Variants in SPATS2 observed in about 807,000 individuals in gnomAD.
SPATS2 encodes spermatogenesis-associated serine-rich protein 2.
A neutral mutation model predicts 63.7 loss-of-function variants in SPATS2; 38 were observed. That is an observed-to-expected ratio of 0.60 (90% CI 0.46 to 0.78). The LOEUF is 0.78. Among genes scored for constraint, SPATS2 ranks in the 30% least tolerant of loss-of-function variants. The pLI is 0.00. For synonymous variants in SPATS2, 207 were observed against 232.9 expected (o/e 0.89, Z 1.01); for missense variants, 588 against 666.2 (o/e 0.88, Z 1.29).
intron 2 of SPATS2, among the ~76,000 whole-genome samples, chr12:49,446,575 C>T (rs1945514471): frequency 6.6e-6 from 1 of 152,218 alleles, no homozygotes; most frequent in African/African-American, 2.4e-5. Flanking sequence ...ATTTCCTAGC[C>T]TCCTGGCCCC....
intron 9 of SPATS2, among the ~76,000 whole-genome samples, chr12:49,513,549 GC>G: frequency 6.6e-6 from 1 of 152,050 alleles, no homozygotes; most frequent in Non-Finnish European, 1.5e-5. Context: ...ATTTATATTT[GC>G]AGTGGAAAAA....
intron 3 of SPATS2, among the ~76,000 whole-genome samples, chr12:49,471,136 A>C (rs1946027822): frequency 6.6e-6 from 1 of 152,172 alleles, no homozygotes. Flanking sequence ...AAGATTGCAG[A>C]AGACTTGTAT....
rs1451206105 is a variant in SPATS2, at chr12:49,514,524, A to G, written c.840-31A>G. ...AATTTTGTATTTGAGTTTCTGATCA[A>G]ACTTTTTATTCCTTTGTCATCTTTT... On this transcript the variant is annotated intron_variant, in intron 9 of 13. Coordinates refer to ENST00000552918, the MANE Select transcript of SPATS2 (RefSeq NM_023071.4). 2.5e-6 allele frequency: 4 copies of G among 1,604,684 alleles called. No individual in the cohort carries two copies. In the South Asian group the frequency reaches 4.5e-5, roughly 18 times the overall value.
intron 12 of SPATS2, among the ~76,000 whole-genome samples, chr12:49,524,280 C>T (rs1946994341): frequency 6.6e-6 from 1 of 151,922 alleles, no homozygotes; most frequent in Admixed American, 6.6e-5. Flanking sequence ...CTTTTTCTTT[C>T]TTTGCAAAGG....
chr12:49,516,068 G>A (rs1226872872), intron 10 of SPATS2, among the ~76,000 whole-genome samples: 1 of 142,366 alleles, frequency 7.0e-6, no homozygotes, highest in Non-Finnish European at 1.5e-5. Flanking sequence ...TGAACCCAGG[G>A]GGCAGAGGTT....
intron 4 of SPATS2, 149 bp from the exon 5 acceptor site, chr12:49,489,316 G>A (rs1400759820): frequency 1.0e-5 from 5 of 491,868 alleles, no homozygotes; most frequent in African/African-American, 9.8e-5. Flanking sequence ...CATTCCCAGT[G>A]AGATGCTTGT....
At chr12:49,382,046 C>G (rs565395750) in intron 2 of SPATS2, among the ~76,000 whole-genome samples, 1 of 152,274 alleles carries the variant, frequency 6.6e-6, no homozygotes, top group East Asian at 1.9e-4. Flanking sequence ...CTTCTGAAGG[C>G]CCTCTCTCCC....
intron 6 of SPATS2, among the ~76,000 whole-genome samples, chr12:49,491,775 C>T (rs758260971): frequency 6.6e-6 from 1 of 152,168 alleles, no homozygotes; most frequent in African/African-American, 2.4e-5. Flanking sequence ...TATTAGTTCT[C>T]GTTCCTTTCT....
intron 2 of SPATS2, among the ~76,000 whole-genome samples, chr12:49,380,299 C>T (rs565152362): frequency 6.2e-4 from 95 of 152,012 alleles, no homozygotes; most frequent in African/African-American, 2.1e-3. Flanking sequence ...GCTGGGATTA[C>T]AGGCGAAAAC....
chr12:49,437,427 G>A lies in SPATS2; in HGVS notation c.-243-23343G>A, dbSNP rs1945332742. Among the ~76,000 whole-genome samples the A allele has an allele frequency of 3.9e-5, 6 of 152,308 alleles. No individual in the cohort carries two copies. The South Asian group carries it at 1.2e-3, about 32-fold the overall frequency. On this transcript the variant is annotated intron_variant, in intron 2 of 13. Transcript: ENST00000552918. ...ACGCTCCTCACTTCCCAGACGGGGTGGTGGCCGGGCAGAGGCTGCAATCTC... is the reference window on the plus strand; with the variant it reads ...ACGCTCCTCACTTCCCAGACGGGGTAGTGGCCGGGCAGAGGCTGCAATCTC...
At chr12:49,413,804 C>A (rs555285289) in intron 2 of SPATS2, among the ~76,000 whole-genome samples, 4 of 152,236 alleles carry the variant, frequency 2.6e-5, no homozygotes, top group East Asian at 1.9e-4. Flanking sequence ...CATCTCCCCC[C>A]ATTCCCAGCC....
chr12:49,449,831 G>C (rs1945586334), intron 2 of SPATS2, among the ~76,000 whole-genome samples: 1 of 152,094 alleles, frequency 6.6e-6, no homozygotes, highest in Non-Finnish European at 1.5e-5. Context: ...TGACACATGG[G>C]GATTATTACA....
chr12:49,520,272 G>A (rs1042059423), intron 11 of SPATS2, among the ~76,000 whole-genome samples: 12 of 152,048 alleles, frequency 7.9e-5, no homozygotes, highest in East Asian at 1.9e-4. Context: ...GAGCCACCAC[G>A]CCCAGCGGCT....
At chr12:49,406,331 C>G (rs546695732) in intron 2 of SPATS2, 1 of 150,750 alleles carries the variant, frequency 6.6e-6, no homozygotes, top group East Asian at 1.9e-4. Context: ...GTTACCTAGG[C>G]TGGAGTGCAG....
At chr12:49,493,353 A>G (rs1274523402) in intron 6 of SPATS2, among the ~76,000 whole-genome samples, 1 of 151,444 alleles carries the variant, frequency 6.6e-6, no homozygotes, top group Non-Finnish European at 1.5e-5. Context: ...ATATACTCAC[A>G]TGGCTCAAAA....
intron 1 of SPATS2, among the ~76,000 whole-genome samples, chr12:49,369,997 T>G (rs1291476043): frequency 6.6e-6 from 1 of 152,146 alleles, no homozygotes; most frequent in Non-Finnish European, 1.5e-5. Context: ...GGGAAACAGC[T>G]GGGGCCTGAG....
At chr12:49,437,036 G>T (rs1374526975) in intron 2 of SPATS2, among the ~76,000 whole-genome samples, 2 of 152,042 alleles carry the variant, frequency 1.3e-5, no homozygotes, top group Non-Finnish European at 2.9e-5. Flanking sequence ...CCCAGACGGG[G>T]TGGCTGCCGG....
At chr12:49,405,069 AAGCCT>A (rs1944671671) in intron 2 of SPATS2, among the ~76,000 whole-genome samples, 1 of 152,026 alleles carries the variant, frequency 6.6e-6, no homozygotes, top group Non-Finnish European at 1.5e-5. Flanking sequence ...ATGGCTTGCA[AAGCCT>A]AAAATATTTG....
intron 3 of SPATS2, chr12:49,462,995 A>C (rs1945848363): frequency 6.6e-6 from 1 of 152,476 alleles, no homozygotes; most frequent in Admixed American, 6.5e-5. Flanking sequence ...TGGCGTTTTA[A>C]CCGGTGACCC....
Sources: allele counts gnomAD v4.1 joint callset (sites outside exome capture counted in the v4.1 genomes callset), GRCh38; gene constraint gnomAD v4.1.1; transcripts MANE v1.5; gene names NCBI Gene and HGNC (gene_info 2026-07-23, HGNC 2026-07-21).